Variants in RNF216 observed in about 807,000 individuals in gnomAD.
RNF216 encodes E3 ubiquitin-protein ligase RNF216.
RNF216 carries 72 observed loss-of-function variants against 110.8 expected under a neutral mutation model. The observed-to-expected ratio is 0.65, with a 90% CI of 0.54 to 0.79. The LOEUF (loss-of-function observed/expected upper bound fraction) is 0.79, where lower values mean the gene tolerates loss of function less well. Ranked by LOEUF, RNF216 falls within the 30% of genes least tolerant of loss-of-function variation. The pLI, the probability that RNF216 is intolerant of heterozygous loss-of-function variation, is 0.00. For missense variants in RNF216, 1,342 were observed against 1,141.2 expected (o/e 1.18, Z -2.54); for synonymous variants, 495 against 407.5 (o/e 1.21, Z -2.59).
intron 13 of RNF216, among the ~76,000 whole-genome samples, chr7:5,665,821 C>T (rs887133398): frequency 1.3e-5 from 2 of 152,092 alleles, no homozygotes; most frequent in African/African-American, 2.4e-5. Flanking sequence ...ATCACCGAGA[C>T]TATATCAGCA....
chr7:5,631,174 G>A (rs558144464), intron 15 of RNF216, among the ~76,000 whole-genome samples: 70 of 152,220 alleles, frequency 4.6e-4, no homozygotes, highest in African/African-American at 1.5e-3. Flanking sequence ...CAGCCAAAAC[G>A]CAGAGCAAGG....
chr7:5,632,076 A>T (rs1241191498), intron 15 of RNF216, among the ~76,000 whole-genome samples: 1 of 152,230 alleles, frequency 6.6e-6, no homozygotes, highest in Non-Finnish European at 1.5e-5. Flanking sequence ...GATGGCCGGC[A>T]GTTCTCAACT....
chr7:5,695,690 T>C (rs1791583059), intron 13 of RNF216, among the ~76,000 whole-genome samples: 2 of 152,208 alleles, frequency 1.3e-5, no homozygotes, highest in African/African-American at 4.8e-5. Context: ...CACAGAATAG[T>C]GTTCTCCCCT....
At chr7:5,701,461 T>C (rs1287638536) in intron 13 of RNF216, among the ~76,000 whole-genome samples, 1 of 152,152 alleles carries the variant, frequency 6.6e-6, no homozygotes, top group Admixed American at 6.5e-5. Context: ...CCATCCTCAC[T>C]GGGCAGCTAT....
intron 13 of RNF216, among the ~76,000 whole-genome samples, chr7:5,666,098 A>G (rs866045333): frequency 2.0e-4 from 30 of 151,516 alleles, no homozygotes; most frequent in Admixed American, 7.9e-4. Context: ...CCTGGGAGGC[A>G]GAGCTTGCAG....
At chr7:5,639,981 G>A (rs942363481) in intron 15 of RNF216, among the ~76,000 whole-genome samples, 53 of 151,154 alleles carry the variant, frequency 3.5e-4, no homozygotes, top group Middle Eastern at 3.5e-3. Context: ...GGATGGTCTC[G>A]ATCTCCTGAC....
At position 5,641,160 on chromosome 7, in the gene RNF216, A is replaced by G. The variant is rs756709809; in HGVS notation, c.2376T>C (p.Asp792=). 1.9e-6 allele frequency: 3 copies of G among 1,612,186 alleles called. 1 individual carries two copies. The South Asian group carries it at 3.3e-5, about 18-fold the overall frequency. Residue 792 remains aspartate, a synonymous_variant, in exon 15 of 17, where the codon GAT becomes GAC. Coordinates refer to ENST00000389902, the MANE Select transcript of RNF216 (RefSeq NM_207111.4). Reference sequence around the variant, plus strand: ...CAGCCATGTGTCTACTTACAGTGGGATCGGTCCAGAGAGAGCATCTTGAAC... The same window carrying G: ...CAGCCATGTGTCTACTTACAGTGGGGTCGGTCCAGAGAGAGCATCTTGAAC... ...QECSRCSLWT[D]PTEDDEKLIE...
intron 2 of RNF216, among the ~76,000 whole-genome samples, chr7:5,758,357 A>C (rs1179160274): frequency 6.6e-6 from 1 of 152,232 alleles, no homozygotes; most frequent in African/African-American, 2.4e-5. Context: ...TGCACTCATA[A>C]TGTGCATAGC....
intron 10 of RNF216, among the ~76,000 whole-genome samples, chr7:5,715,635 G>A (rs1029648445): frequency 6.6e-6 from 1 of 152,064 alleles, no homozygotes; most frequent in South Asian, 2.1e-4. Flanking sequence ...TTTATTTTAA[G>A]GGACTATTGA....
intron 15 of RNF216, among the ~76,000 whole-genome samples, chr7:5,634,020 C>T (rs1463716685): frequency 1.3e-5 from 2 of 152,226 alleles, no homozygotes; most frequent in African/African-American, 4.8e-5. Context: ...AATTTATTTT[C>T]ACAAATCAGA....
chr7:5,740,142 T>TTTTTTTTG (rs1794675777), intron 4 of RNF216, among the ~76,000 whole-genome samples: 1 of 72,820 alleles, frequency 1.4e-5, no homozygotes, highest in African/African-American at 5.0e-5. Flanking sequence ...TTTTTTTTTT[T>TTTTTTTTG]GTGAGATAGA....
At chr7:5,705,171 C>A (rs1023918517) in intron 13 of RNF216, among the ~76,000 whole-genome samples, 2 of 152,154 alleles carry the variant, frequency 1.3e-5, no homozygotes, top group Non-Finnish European at 2.9e-5. Context: ...TGACCCGGAT[C>A]ACTGATCTAG....
At position 5,715,145 on chromosome 7, in the gene RNF216, A is replaced by G; in HGVS notation, c.1741T>C (p.Phe581Leu). 1.2e-6 allele frequency: 2 copies of G among 1,613,938 alleles called. No homozygotes were observed. Among genetic ancestry groups the G allele is most frequent in the Non-Finnish European group, 1.7e-6 (2 of 1,180,034 alleles). Residue 581 changes from phenylalanine (F) to leucine (L), a missense_variant, in exon 11 of 17, where the codon TTC becomes CTC. Physicochemically the swap from Phe to Leu is conservative, Grantham distance 22. Transcript: ENST00000389902. Reference protein sequence around the residue: ...ECRCCYGEFPFEELTQCADAH... With the variant: ...ECRCCYGEFPLEELTQCADAH... ...TCTGCGCACTGCGTCAGCTCCTCGA[A>G]TGGAAATTCCCCATAGCAGCAGCGA...
chr7:5,694,785 G>A (rs1195455294), intron 13 of RNF216, among the ~76,000 whole-genome samples: 1 of 152,204 alleles, frequency 6.6e-6, no homozygotes, highest in African/African-American at 2.4e-5. Flanking sequence ...GCACTGGGCA[G>A]AAATTTTACA....
At chr7:5,678,935 A>G (rs1265414884) in intron 13 of RNF216, among the ~76,000 whole-genome samples, 1 of 152,246 alleles carries the variant, frequency 6.6e-6, no homozygotes, top group African/African-American at 2.4e-5. Flanking sequence ...GTTGCTCTCC[A>G]ATAACCCTGA....
intron 13 of RNF216, among the ~76,000 whole-genome samples, chr7:5,669,114 A>G (rs1789729239): frequency 6.6e-6 from 1 of 152,196 alleles, no homozygotes; most frequent in Non-Finnish European, 1.5e-5. Flanking sequence ...TATCCCACCC[A>G]GTCCCGTGCT....
At chr7:5,744,477 G>C (rs1258195175) in intron 3 of RNF216, among the ~76,000 whole-genome samples, 1 of 151,962 alleles carries the variant, frequency 6.6e-6, no homozygotes, top group Non-Finnish European at 1.5e-5. Flanking sequence ...AAGGGAAGGA[G>C]GGGGACACAT....
chr7:5,683,980 A>AG (rs1165565329), intron 13 of RNF216, among the ~76,000 whole-genome samples: 2 of 151,014 alleles, frequency 1.3e-5, no homozygotes, highest in African/African-American at 2.4e-5. Context: ...AAGATCCAGT[A>AG]GGGGTCTTGT....
chr7:5,756,093 C>T (rs1415295136), intron 2 of RNF216, among the ~76,000 whole-genome samples: 2 of 147,438 alleles, frequency 1.4e-5, no homozygotes, highest in Admixed American at 7.0e-5. Flanking sequence ...GGGCAGTTTC[C>T]CCCATTCTGC....
Sources: allele counts gnomAD v4.1 joint callset (sites outside exome capture counted in the v4.1 genomes callset), GRCh38; gene constraint gnomAD v4.1.1; transcripts MANE v1.5; gene names NCBI Gene and HGNC (gene_info 2026-07-23, HGNC 2026-07-21).